Variants in DAB1 observed in about 807,000 individuals in gnomAD.
The protein encoded by DAB1 is disabled homolog 1.
Under a neutral mutation model 64.6 loss-of-function variants are expected in DAB1, and 15 were observed. The ratio of observed to expected loss-of-function variants is 0.23; its 90% CI spans 0.16 to 0.36. The LOEUF (loss-of-function observed/expected upper bound fraction) is 0.36, where lower values mean the gene tolerates loss of function less well. DAB1 is among the 10% of genes least tolerant of loss of function. The probability of loss-of-function intolerance (pLI) is 1.00; values close to 1 mark genes in which losing one functional copy is unlikely to be tolerated. For synonymous variants in DAB1, 235 were observed against 251.9 expected (o/e 0.93, Z 0.64); for missense variants, 596 against 706.7 (o/e 0.84, Z 1.78).
intron 4 of DAB1, among the ~76,000 whole-genome samples, chr1:58,275,587 G>C (rs751595702): frequency 6.6e-6 from 1 of 151,996 alleles, no homozygotes; most frequent in African/African-American, 2.4e-5. Flanking sequence ...TAATCATTGG[G>C]AAAATGCAAA....
intron 6 of DAB1, among the ~76,000 whole-genome samples, chr1:57,661,245 C>T (rs1304117011): frequency 6.6e-6 from 1 of 152,174 alleles, no homozygotes; most frequent in Non-Finnish European, 1.5e-5. Flanking sequence ...TGTTACAGTG[C>T]AGGCACTGTA....
chr1:58,382,823 T>C (rs1210783124), intron 3 of DAB1, among the ~76,000 whole-genome samples: 1 of 152,208 alleles, frequency 6.6e-6, no homozygotes, highest in Admixed American at 6.5e-5. Context: ...GGTAGGGGAC[T>C]GGTGTGGTAG....
chr1:57,315,005 T>C (rs1160259409), intron 1 of DAB1, among the ~76,000 whole-genome samples: 2 of 152,128 alleles, frequency 1.3e-5, no homozygotes, highest in Non-Finnish European at 2.9e-5. Context: ...AGACCAGAAA[T>C]TCTATAATTT....
intron 3 of DAB1, among the ~76,000 whole-genome samples, chr1:58,361,139 G>A (rs1190714352): frequency 6.6e-6 from 1 of 152,218 alleles, no homozygotes; most frequent in African/African-American, 2.4e-5. Context: ...GATTGCTGTG[G>A]CTGCTGAGCT....
At chr1:57,407,653 A>G (rs1683752221) in intron 1 of DAB1, among the ~76,000 whole-genome samples, 1 of 152,218 alleles carries the variant, frequency 6.6e-6, no homozygotes, top group South Asian at 2.1e-4. Context: ...GCCCATGGTC[A>G]CAGAGCTAGT....
chr1:57,905,960 T>C (rs1028007970), intron 5 of DAB1, among the ~76,000 whole-genome samples: 1 of 152,236 alleles, frequency 6.6e-6, no homozygotes, highest in African/African-American at 2.4e-5. Flanking sequence ...TGTCATTGCC[T>C]GAATGACATT....
chr1:57,497,587 T>C (rs1368462009), intron 7 of DAB1, among the ~76,000 whole-genome samples: 1 of 152,182 alleles, frequency 6.6e-6, no homozygotes, highest in African/African-American at 2.4e-5. Flanking sequence ...AGTCTTGAGA[T>C]TCTGAGAAGA....
chr1:57,915,445 G>T (rs2102014862), intron 5 of DAB1, among the ~76,000 whole-genome samples: 1 of 152,210 alleles, frequency 6.6e-6, no homozygotes, highest in South Asian at 2.1e-4. Flanking sequence ...TCTCCCGTGG[G>T]ACATGGGATG....
At chr1:58,251,267 G>A (rs75346532) in intron 4 of DAB1, among the ~76,000 whole-genome samples, 1 of 152,318 alleles carries the variant, frequency 6.6e-6, no homozygotes, top group East Asian at 1.9e-4. Flanking sequence ...TGCTTACTAT[G>A]AGCCTACCTC....
chr1:58,295,222 G>T (rs1156985371), intron 4 of DAB1, among the ~76,000 whole-genome samples: 1 of 152,146 alleles, frequency 6.6e-6, no homozygotes, highest in Admixed American at 6.5e-5. Context: ...TGCCAGCAAG[G>T]TTCCTGGCAC....
intron 4 of DAB1, among the ~76,000 whole-genome samples, chr1:57,115,179 T>C (rs897384070): frequency 1.3e-5 from 2 of 152,128 alleles, no homozygotes; most frequent in African/African-American, 4.8e-5. Context: ...GAGTGTAGCA[T>C]TGTGGCTAAG....
At chr1:57,316,507 G>A (rs536861193) in intron 1 of DAB1, among the ~76,000 whole-genome samples, 3 of 152,106 alleles carry the variant, frequency 2.0e-5, no homozygotes, top group Non-Finnish European at 4.4e-5. Context: ...CTGTCTCCTT[G>A]GCAGGTTCCT....
intron 4 of DAB1, among the ~76,000 whole-genome samples, chr1:58,296,161 A>AGAAAGGAAAGAAAGAAAAAAGAAAGAAAG (rs71043283): frequency 9.7e-6 from 1 of 102,638 alleles, no homozygotes. Context: ...GAAAAAAGAA[A>AGAAAGGAAAGAAAGAAAAAAGAAAGAAAG]GAAAGAAAGA....
intron 2 of DAB1, among the ~76,000 whole-genome samples, chr1:57,250,421 T>C (rs938527071): frequency 3.3e-5 from 5 of 152,198 alleles, no homozygotes; most frequent in Admixed American, 6.5e-5. Context: ...CGCGAGGAGG[T>C]ACTCCAGTCT....
At chr1:58,488,124 T>C (rs189628969) in intron 3 of DAB1, among the ~76,000 whole-genome samples, 100 of 152,310 alleles carry the variant, frequency 6.6e-4, no homozygotes, top group African/African-American at 2.3e-3. Flanking sequence ...TAAATACAGA[T>C]TTAGTAAAAA....
At chr1:57,854,892 C>T (rs1411527356) in intron 1 of DAB1, among the ~76,000 whole-genome samples, 3 of 152,132 alleles carry the variant, frequency 2.0e-5, no homozygotes, top group Non-Finnish European at 4.4e-5. Context: ...ACCTTAGATA[C>T]AAATCTCCAA....
chr1:57,902,647 C>T (rs920173559), intron 5 of DAB1, among the ~76,000 whole-genome samples: 9 of 152,088 alleles, frequency 5.9e-5, no homozygotes, highest in Non-Finnish European at 1.2e-4. Context: ...CTAAGCCAGC[C>T]GTTTTACAGA....
At chr1:58,272,647 T>C (rs1661333295) in intron 4 of DAB1, among the ~76,000 whole-genome samples, 1 of 143,410 alleles carries the variant, frequency 7.0e-6, no homozygotes, top group South Asian at 2.4e-4. Context: ...CCATTATTAA[T>C]GCGTGGGAGT....
intron 1 of DAB1, among the ~76,000 whole-genome samples, chr1:57,377,333 G>A (rs567658111): frequency 4.4e-4 from 67 of 151,318 alleles, no homozygotes; most frequent in African/African-American, 1.6e-3. Context: ...GCATAAAGAA[G>A]TGTTTCTCAA....
Sources: gnomAD v4.1 joint callset for allele counts (sites outside exome capture counted in the v4.1 genomes callset) on GRCh38, gnomAD v4.1.1 for gene constraint, MANE v1.5 for transcripts, NCBI Gene and HGNC (gene_info 2026-07-23, HGNC 2026-07-21) for gene names.